The following SHISA6 variants were observed in gnomAD, a reference collection of about 807,000 sequenced individuals.
The protein encoded by SHISA6 is shisa family member 6.
A neutral mutation model predicts 47.9 loss-of-function variants in SHISA6; 22 were observed. That is an observed-to-expected ratio of 0.46 (90% CI 0.33 to 0.66). The LOEUF (loss-of-function observed/expected upper bound fraction) is 0.66. Among genes scored for constraint, SHISA6 ranks in the 30% least tolerant of loss-of-function variants. The probability of loss-of-function intolerance (pLI) is 0.02; values close to 1 mark genes in which losing one functional copy is unlikely to be tolerated. For synonymous variants in SHISA6, 388 were observed against 337.8 expected (o/e 1.15, Z -1.63); for missense variants, 680 against 764.6 (o/e 0.89, Z 1.30).
chr17:11,249,542 T>TA (rs891467143), intron 1 of SHISA6, among the ~76,000 whole-genome samples: 1 of 152,154 alleles, frequency 6.6e-6, no homozygotes, highest in African/African-American at 2.4e-5. Flanking sequence ...GTTTTCCCTG[T>TA]AATGTGCTTG....
intron 2 of SHISA6, among the ~76,000 whole-genome samples, chr17:11,326,268 CAA>C (rs35905275): frequency 1.1e-3 from 116 of 109,012 alleles, no homozygotes; most frequent in Middle Eastern, 4.7e-3. Context: ...GAGACTCCAT[CAA>C]AAAAAAAAAA....
rs1360375805 is a variant in SHISA6 at position 11,555,855 on chromosome 17, G to C, written c.1068G>C (p.Lys356Asn). 3 of 1,549,052 alleles carry C rather than the reference G, an allele frequency of 1.9e-6. No individual in the cohort carries two copies. The Admixed American group carries it at 6.0e-5, about 31-fold the overall frequency. ...HLPPSYESAVKTNPSKYSSLK... is the reference protein window; with the variant it reads ...HLPPSYESAVNTNPSKYSSLK... ...CCCCATCCTACGAGTCTGCAGTAAAGACCAACCCCAGCAAGTATTCATCTC... is the reference window on the plus strand; with the variant it reads ...CCCCATCCTACGAGTCTGCAGTAAACACCAACCCCAGCAAGTATTCATCTC... The change falls in exon 5 of 6, where the codon AAG becomes AAC. Residue 356 changes from lysine (K) to asparagine (N), a missense_variant. Around this residue, in one of 2 missense-constraint regions of SHISA6, gnomAD observed 559 missense variants for 674.1 expected, o/e 0.83. Coordinates refer to ENST00000441885, the MANE Select transcript of SHISA6 (RefSeq NM_207386.4).
chr17:11,279,355 A>G (rs1909042441), intron 2 of SHISA6, among the ~76,000 whole-genome samples: 1 of 152,194 alleles, frequency 6.6e-6, no homozygotes, highest in South Asian at 2.1e-4. Flanking sequence ...GTACGAGACA[A>G]TAAACATAAA....
At chr17:11,433,482 T>C (rs1461795417) in intron 3 of SHISA6, among the ~76,000 whole-genome samples, 3 of 152,174 alleles carry the variant, frequency 2.0e-5, no homozygotes, top group African/African-American at 7.2e-5. Context: ...CAGGCTGTCA[T>C]TGATGGGCAT....
chr17:11,256,466 A>G (rs147676684), intron 1 of SHISA6, among the ~76,000 whole-genome samples: 1 of 152,260 alleles, frequency 6.6e-6, no homozygotes, highest in East Asian at 1.9e-4. Context: ...GCTGCACTCC[A>G]GTCTGGGTAA....
At chr17:11,379,298 C>A in intron 2 of SHISA6, 116 bp from the exon 3 acceptor site, 1 of 550,958 alleles carries the variant, frequency 1.8e-6, no homozygotes, top group Non-Finnish European at 3.1e-6. Flanking sequence ...CACCTTCTGA[C>A]TTAGCTGCTG....
chr17:11,384,713 G>A (rs2142249408), intron 3 of SHISA6, among the ~76,000 whole-genome samples: 1 of 152,294 alleles, frequency 6.6e-6, no homozygotes, highest in Admixed American at 6.5e-5. Context: ...GTGACATACA[G>A]GTCCCCATGG....
intron 1 of SHISA6, among the ~76,000 whole-genome samples, chr17:11,258,189 C>T (rs1461539595): frequency 1.3e-5 from 2 of 152,148 alleles, no homozygotes; most frequent in Non-Finnish European, 2.9e-5. Flanking sequence ...CCTACCATCC[C>T]GAAAAGAGAA....
rs73288808 is a variant in SHISA6 at position 11,540,766 on chromosome 17, T to C, written c.896-11130T>C. 5.7e-3 allele frequency among the ~76,000 whole-genome samples: 867 copies of C among 152,316 alleles called. 5 individuals carry two copies. Among genetic ancestry groups the C allele is most frequent in the African/African-American group, 0.02 (814 of 41,584 alleles). Reference sequence around the variant, plus strand: ...TAAATGTCTGAGAGGAAGGATATAGTATGCAGGATTCAAAACTTACTTAAC... The same window carrying C: ...TAAATGTCTGAGAGGAAGGATATAGCATGCAGGATTCAAAACTTACTTAAC... On this transcript the variant is annotated intron_variant, in intron 3 of 5. Transcript: ENST00000441885.
chr17:11,439,134 G>A (rs1915028566), intron 3 of SHISA6, among the ~76,000 whole-genome samples: 1 of 152,092 alleles, frequency 6.6e-6, no homozygotes, highest in African/African-American at 2.4e-5. Context: ...TATGCCTGAG[G>A]GACATCAATT....
chr17:11,515,422 A>G (rs946324940), intron 3 of SHISA6, among the ~76,000 whole-genome samples: 1 of 151,966 alleles, frequency 6.6e-6, no homozygotes, highest in Non-Finnish European at 1.5e-5. Context: ...CCCTGAATAG[A>G]GGAATTTCCT....
At chr17:11,456,787 A>T (rs1229671620) in intron 3 of SHISA6, among the ~76,000 whole-genome samples, 2 of 152,176 alleles carry the variant, frequency 1.3e-5, no homozygotes, top group Admixed American at 6.5e-5. Flanking sequence ...CTGGGATTTT[A>T]TAAGAACCTG....
At chr17:11,480,253 G>T (rs1045973479) in intron 3 of SHISA6, among the ~76,000 whole-genome samples, 5 of 151,976 alleles carry the variant, frequency 3.3e-5, no homozygotes, top group Non-Finnish European at 7.4e-5. Context: ...ATAATGATGT[G>T]CCTAGGTGTA....
intron 3 of SHISA6, among the ~76,000 whole-genome samples, chr17:11,525,643 A>C (rs1189067407): frequency 5.9e-4 from 54 of 92,076 alleles, no homozygotes; most frequent in African/African-American, 2.3e-3. Context: ...AAAAAAAAAA[A>C]AAAAAAAACA....
At chr17:11,453,856 T>G (rs952042368) in intron 3 of SHISA6, among the ~76,000 whole-genome samples, 2 of 152,160 alleles carry the variant, frequency 1.3e-5, no homozygotes, top group African/African-American at 4.8e-5. Flanking sequence ...AAGGTCAGAC[T>G]ATAGGGACAG....
At chr17:11,488,306 AC>A (rs1367793650) in intron 3 of SHISA6, among the ~76,000 whole-genome samples, 3 of 151,976 alleles carry the variant, frequency 2.0e-5, no homozygotes, top group Non-Finnish European at 4.4e-5. Flanking sequence ...GTCCTTTAAC[AC>A]CATATTGTTC....
rs571989215 is a variant in SHISA6 at position 11,316,567 on chromosome 17, C to T, written c.799+53041C>T. The stretch of plus-strand genomic sequence containing the variant: ...TCCCAAGTAATGGGGATTACAGGTG[C>T]GTGCCACCACGCCCGGCTAATTTTT... On this transcript the variant is annotated intron_variant, in intron 2 of 5. Coordinates refer to ENST00000441885, the MANE Select transcript of SHISA6 (RefSeq NM_207386.4). Among the ~76,000 whole-genome samples the T allele has an allele frequency of 6.9e-4, 105 of 151,874 alleles. 1 individual carries two copies. The highest frequency in any genetic ancestry group is 1.3e-3 in the Non-Finnish European group (91 of 67,934).
intron 3 of SHISA6, among the ~76,000 whole-genome samples, chr17:11,536,832 C>T (rs1283786366): frequency 6.6e-6 from 1 of 152,266 alleles, no homozygotes; most frequent in East Asian, 1.9e-4. Context: ...CCTGAGTTTT[C>T]CCTATTACCA....
chr17:11,395,266 A>G (rs924113672), intron 3 of SHISA6, among the ~76,000 whole-genome samples: 1 of 151,880 alleles, frequency 6.6e-6, no homozygotes, highest in African/African-American at 2.4e-5. Flanking sequence ...GTAAAAAGAA[A>G]AATGTTTTTC....
Sources: allele counts gnomAD v4.1 joint callset (sites outside exome capture counted in the v4.1 genomes callset), GRCh38; gene constraint gnomAD v4.1.1; regional missense constraint gnomAD v4.1.1; transcripts MANE v1.5; gene names NCBI Gene and HGNC (gene_info 2026-07-23, HGNC 2026-07-21).